ZNF26: variants seen among roughly 807,000 people sequenced by gnomAD.
ZNF26 encodes the protein epididymis luminal protein 179.
Under a neutral mutation model 54.9 loss-of-function variants are expected in ZNF26, and 32 were observed. That is an observed-to-expected ratio of 0.58 (90% CI 0.44 to 0.78). The LOEUF is 0.78. ZNF26 is among the 30% of genes least tolerant of loss of function. The pLI is 0.00. For missense variants in ZNF26, 524 were observed against 634.0 expected, an observed-to-expected ratio of 0.83 and a Z score of 1.86; for synonymous variants, 221 against 209.2, an observed-to-expected ratio of 1.06 and a Z score of -0.49.
At chr12:132,999,589 T>C (rs1054631814) in intron 1 of ZNF26, among the ~76,000 whole-genome samples, 3 of 152,142 alleles carry the variant, frequency 2.0e-5, no homozygotes, top group Non-Finnish European at 4.4e-5. Context: ...TTTTAGTGGT[T>C]TACACAAAGT....
chr12:133,005,919 G>A (rs956976908), intron 1 of ZNF26: 3 of 178,048 alleles, frequency 1.7e-5, no homozygotes, highest in East Asian at 1.9e-4. Context: ...AACAAAGACA[G>A]CAGTCTTTTC....
In ZNF26 at chr12:133,002,048, CT is replaced by C. The variant is rs1361388828; in HGVS notation, c.34-4990del. The stretch of plus-strand genomic sequence containing the variant: ...TTCTCACGTGTTCTTAGCAAGGTCA[CT>C]TTTCTCCTTCAGTGACTCACTTCTG... On this transcript the variant is annotated intron_variant, in intron 1 of 3. Transcript: ENST00000328654. Among the ~76,000 whole-genome samples the C allele has an allele frequency of 4.6e-5, 7 of 152,234 alleles. No individual in the cohort carries two copies. In the East Asian group the frequency reaches 1.4e-3, roughly 29 times the overall value.
At chr12:133,003,832 C>G (rs753633258) in intron 1 of ZNF26, among the ~76,000 whole-genome samples, 1 of 152,094 alleles carries the variant, frequency 6.6e-6, no homozygotes, top group Non-Finnish European at 1.5e-5. Context: ...TGGTGAACCA[C>G]GTGGAGGTGC....
In ZNF26 at chr12:133,001,125, C is replaced by T. The variant is rs1953210355; in HGVS notation, c.34-5917C>T. On this transcript the variant is annotated intron_variant, in intron 1 of 3. Transcript: ENST00000328654. This position sits in a 1 kb window ranked among gnomAD's most constrained non-coding sequence, Gnocchi z 4.7. ...AAAGTAACCAGCTTGATAAGCACCT[C>T]AACGTAATAAGGGCACAGTAGTGGC... Among the ~76,000 whole-genome samples, 1 of 152,174 alleles carries T rather than the reference C, an allele frequency of 6.6e-6. No homozygotes were observed. The highest frequency in any genetic ancestry group is 1.5e-5 in the Non-Finnish European group (1 of 68,040).
Position 133,007,476 on chromosome 12 carries a change from A to C in ZNF26, c.200A>C (p.Glu67Ala). 6.2e-7 allele frequency: 1 copy of C among 1,614,008 alleles called. No homozygotes were observed. Among genetic ancestry groups the C allele is most frequent in the Non-Finnish European group, 8.5e-7 (1 of 1,179,936 alleles). Residue 67 changes from glutamate to alanine, a missense_variant, in exon 3 of 4, where the codon GAA becomes GCA. Transcript: ENST00000328654. ...GTKPDLIFKLEQGEDPWIINA... is the reference protein window; with the variant it reads ...GTKPDLIFKLAQGEDPWIINA... ...AAGCCTGACTTAATCTTCAAGTTGG[A>C]ACAAGGAGAAGATCCATGGATAATA...
At chr12:132,987,745 A>G in intron 1 of ZNF26, 3 of 985,298 alleles carry the variant, frequency 3.0e-6, no homozygotes, top group Non-Finnish European at 3.6e-6. Flanking sequence ...AGTGTGACCA[A>G]CTGGAACCCT....
chr12:132,997,424 G>A (rs1953111830), intron 1 of ZNF26, among the ~76,000 whole-genome samples: 1 of 152,134 alleles, frequency 6.6e-6, no homozygotes, highest in South Asian at 2.1e-4. Context: ...GGGTTAATCA[G>A]AAGCCCACAT....
chr12:132,996,615 A>G (rs2137226407), intron 1 of ZNF26, among the ~76,000 whole-genome samples: 1 of 152,322 alleles, frequency 6.6e-6, no homozygotes, highest in African/African-American at 2.4e-5. Context: ...TTTGTGGAAA[A>G]TTAATATCTT....
chr12:133,010,447 AT>A lies in ZNF26; in HGVS notation c.570del (p.Ile190MetfsTer94). ...GKAFRCKSQL[I>X]VHLRIHTGER... ...AGCTTTTCGTTGTAAGTCACAGCTCATTGTACATCTCAGAATTCATACAGGA... is the reference window on the plus strand; with the variant it reads ...AGCTTTTCGTTGTAAGTCACAGCTCATGTACATCTCAGAATTCATACAGGA... On this transcript the variant is annotated frameshift_variant, in exon 4 of 4. Transcript: ENST00000328654. LOFTEE classifies it high-confidence loss of function. 1 of 1,613,766 alleles carries A rather than the reference AT, an allele frequency of 6.2e-7. No homozygotes were observed.
intron 1 of ZNF26, among the ~76,000 whole-genome samples, chr12:132,990,574 C>T (rs1952927163): frequency 1.3e-5 from 2 of 152,140 alleles, no homozygotes; most frequent in Non-Finnish European, 1.5e-5. Flanking sequence ...TTAGGATTCC[C>T]TCTGCCTTTA....
In ZNF26 at chr12:133,018,777, T is replaced by G. The variant is rs1953600552; in HGVS notation, c.*7296T>G. ...CCACCTCCCACCTGGCTATTTTATT[T>G]TATTTTATTTATTTATTTATAGAGA... On this transcript the variant is annotated 3_prime_UTR_variant, in exon 4 of 4. Coordinates refer to ENST00000328654, the MANE Select transcript of ZNF26 (RefSeq NM_019591.4). 1 of 152,118 alleles carries G rather than the reference T, an allele frequency of 6.6e-6. No homozygotes were observed. The highest frequency in any genetic ancestry group is 1.5e-5 in the Non-Finnish European group (1 of 68,048). The allele number at this position is 152,118 out of a possible 1,614,324, so 9.4% of individuals were successfully genotyped here.
chr12:133,020,840 C>A lies in ZNF26; in HGVS notation c.*9359C>A, dbSNP rs1041571563. 5 of 152,208 alleles carry A rather than the reference C, an allele frequency of 3.3e-5. No homozygotes were observed. The highest frequency in any genetic ancestry group is 1.2e-4 in the African/African-American group (5 of 41,458). The allele number at this position is 152,208 out of a possible 1,614,324, so 9.4% of individuals were successfully genotyped here. On this transcript the variant is annotated 3_prime_UTR_variant, in exon 4 of 4. Coordinates refer to ENST00000328654, the MANE Select transcript of ZNF26 (RefSeq NM_019591.4). ...TGGCTTGTAGATGGCTGTCTTCTCA[C>A]TGTCTCATCACATAATCTCCCTTCT...
rs1219481988 is a variant in ZNF26 at position 133,023,911 on chromosome 12, A to G, written c.*12430A>G. The G allele has an allele frequency of 6.6e-6, 1 of 152,212 alleles. No individual in the cohort carries two copies. Among genetic ancestry groups the G allele is most frequent in the Non-Finnish European group, 1.5e-5 (1 of 68,030 alleles). 9.4% of individuals were successfully genotyped at this position (152,212 alleles called of 1,614,324 possible). A position where few individuals can be genotyped will look rare whatever the true frequency, so the allele number is the denominator to read the frequency against. ...CAAATAATCCATATAGAGAAACCAC[A>G]TAGAGAGGCTCTGAGATTACATAAA... On this transcript the variant is annotated 3_prime_UTR_variant, in exon 4 of 4. Coordinates refer to ENST00000328654, the MANE Select transcript of ZNF26 (RefSeq NM_019591.4).
At position 133,021,955 on chromosome 12, in the gene ZNF26, AC is replaced by A. The variant is rs1351842457; in HGVS notation, c.*10475del. On this transcript the variant is annotated 3_prime_UTR_variant, in exon 4 of 4. Transcript: ENST00000328654. ...AAAAAGAGGCCAGGTGTGGTGACTC[AC>A]GCCTGTAATCCCAGCACTTTGGAAG... is the stretch of plus-strand genomic sequence containing the variant. The A allele has an allele frequency of 6.6e-6, 1 of 152,196 alleles. No individual in the cohort carries two copies. Among genetic ancestry groups the A allele is most frequent in the Non-Finnish European group, 1.5e-5 (1 of 68,042 alleles). 9.4% of individuals were successfully genotyped at this position (152,196 alleles called of 1,614,324 possible). A position where few individuals can be genotyped will look rare whatever the true frequency, so the allele number is the denominator to read the frequency against.
rs1953698550 is a variant in ZNF26 at position 133,026,020 on chromosome 12, CT to C, written c.*14540del. The C allele has an allele frequency of 6.6e-6, 1 of 152,326 alleles. No individual in the cohort carries two copies. Among genetic ancestry groups the C allele is most frequent in the Non-Finnish European group, 1.5e-5 (1 of 68,168 alleles). The allele number at this position is 152,326 out of a possible 1,614,324, so 9.4% of individuals were successfully genotyped here. ...ACACCCCCAGGCATTCCAGCCCCTTCTGTTCTAGATCTAGCCTTAGAAAAAG... is the reference window on the plus strand; with the variant it reads ...ACACCCCCAGGCATTCCAGCCCCTTCGTTCTAGATCTAGCCTTAGAAAAAG... On this transcript the variant is annotated 3_prime_UTR_variant, in exon 4 of 4. Coordinates refer to ENST00000328654, the MANE Select transcript of ZNF26 (RefSeq NM_019591.4).
At position 133,018,002 on chromosome 12, in the gene ZNF26, C is replaced by A. The variant is rs2137276540; in HGVS notation, c.*6521C>A. Reference sequence around the variant, plus strand: ...TCAGCCTGGGCAACAGAGTGAGACTCCGTCTCAATAACAGCAACAAAAAAA... The same window carrying A: ...TCAGCCTGGGCAACAGAGTGAGACTACGTCTCAATAACAGCAACAAAAAAA... On this transcript the variant is annotated 3_prime_UTR_variant, in exon 4 of 4. Transcript: ENST00000328654. 1 of 152,358 alleles carries A rather than the reference C, an allele frequency of 6.6e-6. No individual in the cohort carries two copies. The highest frequency in any genetic ancestry group is 6.5e-5 in the Admixed American group (1 of 15,300). The allele number at this position is 152,358 out of a possible 1,614,324, so 9.4% of individuals were successfully genotyped here.
intron 1 of ZNF26, among the ~76,000 whole-genome samples, chr12:133,002,177 T>C (rs1297691980): frequency 6.6e-6 from 1 of 152,172 alleles, no homozygotes; most frequent in Non-Finnish European, 1.5e-5. Context: ...CTCCACCTCC[T>C]TAAAGGGAAA....
At chr12:133,007,576 C>T (rs1953358494) in intron 3 of ZNF26, 44 bp downstream of exon 3, 1 of 1,414,728 alleles carries the variant, frequency 7.1e-7, no homozygotes, top group East Asian at 2.3e-5. Flanking sequence ...TGGGAGTGAG[C>T]TGATGAGTAC....
At position 133,007,245 on chromosome 12, in the gene ZNF26, G is replaced by A. The variant is rs202050932; in HGVS notation, c.160+77G>A. The A allele has an allele frequency of 2.1e-3, 3,185 of 1,546,568 alleles. 86 individuals carry two copies. In the East Asian group the frequency reaches 0.063, roughly 30 times the overall value. On this transcript the variant is annotated intron_variant, in intron 2 of 3. Coordinates refer to ENST00000328654, the MANE Select transcript of ZNF26 (RefSeq NM_019591.4). ...CCTTTTTTTGTTGTTGAACTACTCC[G>A]GGATCTCTGAAGTGCTTAATGATTA...
Sources: allele counts gnomAD v4.1 joint callset (sites outside exome capture counted in the v4.1 genomes callset), GRCh38; gene constraint gnomAD v4.1.1; non-coding constraint Gnocchi (gnomAD v3.1); transcripts MANE v1.5; gene names NCBI Gene and HGNC (gene_info 2026-07-23, HGNC 2026-07-21).